TM4SF1: variants seen among roughly 807,000 people sequenced by gnomAD.
TM4SF1 encodes transmembrane 4 L6 family member 1.
A neutral mutation model predicts 24.5 loss-of-function variants in TM4SF1; 20 were observed. That is an observed-to-expected ratio of 0.82 (90% CI 0.57 to 1.19). The LOEUF is 1.19. Among genes scored for constraint, TM4SF1 ranks in the 50% most tolerant of loss-of-function variants. The pLI is 0.00. For synonymous variants in TM4SF1, 107 were observed against 95.4 expected (o/e 1.12, Z -0.71); for missense variants, 258 against 248.1 (o/e 1.04, Z -0.27).
intron 3 of TM4SF1, 136 bp downstream of exon 3, chr3:149,375,307 C>T: frequency 9.0e-7 from 1 of 1,112,844 alleles, no homozygotes; most frequent in African/African-American, 1.6e-5. Flanking sequence ...CTAAACCATG[C>T]CTGAGTCAGT....
chr3:149,376,633 T>A (rs1731961662), intron 1 of TM4SF1, among the ~76,000 whole-genome samples: 2 of 152,360 alleles, frequency 1.3e-5, no homozygotes, highest in Admixed American at 1.3e-4. Context: ...TTATCACGTA[T>A]GGTACCATTC....
Position 149,369,736 on chromosome 3 carries a change from C to A in TM4SF1, c.*130G>T. The A allele has an allele frequency of 9.0e-7, 1 of 1,109,008 alleles. No individual in the cohort carries two copies. The highest frequency in any genetic ancestry group is 1.3e-6 in the Non-Finnish European group (1 of 764,524). 68.7% of individuals were successfully genotyped at this position (1,109,008 alleles called of 1,614,324 possible). ...CATCCTGTGAAGATGCCAGTCTTTA[C>A]AGGCGTTTGTAAAAGTAGACTGTGG... On this transcript the variant is annotated 3_prime_UTR_variant, in exon 5 of 5. Transcript: ENST00000305366.
intron 3 of TM4SF1, among the ~76,000 whole-genome samples, chr3:149,374,340 A>C (rs1731899607): frequency 6.6e-6 from 1 of 152,182 alleles, no homozygotes; most frequent in African/African-American, 2.4e-5. Flanking sequence ...TCCTCACTAC[A>C]TGCTTTAAAT....
At chr3:149,371,598 C>T in intron 4 of TM4SF1, 89 bp downstream of exon 4, 1 of 1,334,260 alleles carries the variant, frequency 7.5e-7, no homozygotes, top group Non-Finnish European at 1.1e-6. Flanking sequence ...GTAGGTCGAG[C>T]ATGTTTGGTT....
intron 4 of TM4SF1, 76 bp downstream of exon 4, chr3:149,371,611 G>C: frequency 6.6e-7 from 1 of 1,517,198 alleles, no homozygotes; most frequent in Non-Finnish European, 9.1e-7. Context: ...GTTTGGTTTT[G>C]CCTTTTTCTT....
chr3:149,375,856 T>C, intron 1 of TM4SF1, 87 bp from the exon 2 acceptor site: 1 of 1,241,572 alleles, frequency 8.1e-7, no homozygotes, highest in Non-Finnish European at 1.2e-6. Context: ...AATATATTTA[T>C]TTCCAATGAC....
In TM4SF1 at chr3:149,377,369, A is replaced by T; in HGVS notation, c.177+2T>A. On this transcript the variant is annotated splice_donor_variant, in intron 1 of 4. Transcript: ENST00000305366. LOFTEE classifies it high-confidence loss of function. ...ATTCAGTAATAATCCTGAATGACTT[A>T]CCAGCAGGCCACCTCCTACGATGCC... 6.2e-7 allele frequency: 1 copy of T among 1,612,522 alleles called. No homozygotes were observed. The highest frequency in any genetic ancestry group is 2.2e-5 in the East Asian group (1 of 44,846).
rs1009430407 is a variant in TM4SF1 at position 149,374,143 on chromosome 3, G to A, written c.413+1300C>T. 2.5e-5 allele frequency among the ~76,000 whole-genome samples: 3 copies of A among 119,786 alleles called. No homozygotes were observed. In the East Asian group the frequency reaches 1.0e-3, roughly 42 times the overall value. 78.6% of individuals were successfully genotyped at this position (119,786 alleles called of 152,430 possible). On this transcript the variant is annotated intron_variant, in intron 3 of 4. Coordinates refer to ENST00000305366, the MANE Select transcript of TM4SF1 (RefSeq NM_014220.3). ...CACACAATGTGGCAGCCTCTGTGGG[G>A]AACATTTTACATATTATTTCATTAA...
intron 4 of TM4SF1, chr3:149,370,133 T>C (rs1731785869): frequency 8.1e-6 from 3 of 370,778 alleles, no homozygotes; most frequent in Non-Finnish European, 1.4e-5. Flanking sequence ...TTGGGTTGCT[T>C]TGAGTGCATT....
Position 149,371,687 on chromosome 3 carries a change from C to T in TM4SF1, c.594G>A (p.Gln198=), listed in dbSNP as rs571130598. 7 of 1,614,054 alleles carry T rather than the reference C, an allele frequency of 4.3e-6. No individual in the cohort carries two copies. The African/African-American group carries it at 9.3e-5, about 22-fold the overall frequency. ...GICGFCCSHQ[Q]QYDC is the part of the protein sequence containing the mutation. Reference sequence around the variant, plus strand: ...ACGACATTTTCATGCAGGTTCTTACCTGTTGGTGAGAGCAGCAAAAGCCAC... The same window carrying T: ...ACGACATTTTCATGCAGGTTCTTACTTGTTGGTGAGAGCAGCAAAAGCCAC... The change falls in exon 4 of 5, where the codon CAG becomes CAA. Residue 198 remains glutamine (Q), a splice_region_variant and synonymous_variant. Coordinates refer to ENST00000305366, the MANE Select transcript of TM4SF1 (RefSeq NM_014220.3).
chr3:149,377,345 T>C, intron 1 of TM4SF1, 26 bp downstream of exon 1: 1 of 1,596,126 alleles, frequency 6.3e-7, no homozygotes, highest in Non-Finnish European at 8.5e-7. Context: ...CAGGAGAGAA[T>C]TCAGTAATAA....
chr3:149,374,230 C>A lies in TM4SF1; in HGVS notation c.413+1213G>T, dbSNP rs139223215. ...TGGAGTAACTGAGATGCAGAGAGCT[C>A]ATTTCACCTTTTCCTACAGATAGGT... On this transcript the variant is annotated intron_variant, in intron 3 of 4. Transcript: ENST00000305366. Among the ~76,000 whole-genome samples, 178 of 152,264 alleles carry A rather than the reference C, an allele frequency of 1.2e-3. 1 individual carries two copies. Among genetic ancestry groups the A allele is most frequent in the African/African-American group, 3.7e-3 (152 of 41,562 alleles).
At chr3:149,374,120 C>CAATGTGGCAGCTGCAT (rs1329436186) in intron 3 of TM4SF1, among the ~76,000 whole-genome samples, 26,057 of 152,116 alleles carry the variant, frequency 0.17, 2,563 homozygotes, top group East Asian at 0.38. Flanking sequence ...GGCAGTTGCA[C>CAATGTGGCAGCTGCAT]ACAATGTGGC....
intron 3 of TM4SF1, among the ~76,000 whole-genome samples, chr3:149,374,938 C>G (rs1187519679): frequency 6.6e-6 from 1 of 152,162 alleles, no homozygotes; most frequent in Non-Finnish European, 1.5e-5. Flanking sequence ...TCTAGACTGC[C>G]TGGGTTCAAA....
At chr3:149,375,215 A>G (rs1731918283) in intron 3 of TM4SF1, among the ~76,000 whole-genome samples, 1 of 152,134 alleles carries the variant, frequency 6.6e-6, no homozygotes, top group African/African-American at 2.4e-5. Flanking sequence ...TGGGGGAAAA[A>G]AAAAGAAAGA....
At chr3:149,375,962 T>C (rs1464299603) in intron 1 of TM4SF1, among the ~76,000 whole-genome samples, 193 bp from the exon 2 acceptor site, 2 of 152,254 alleles carry the variant, frequency 1.3e-5, no homozygotes, top group Non-Finnish European at 2.9e-5. Context: ...CTTGTTTTCA[T>C]GTAATCTGTC....
chr3:149,377,268 A>T, intron 1 of TM4SF1, 103 bp downstream of exon 1: 1 of 1,420,134 alleles, frequency 7.0e-7, no homozygotes, highest in Non-Finnish European at 9.5e-7. Context: ...CAAAAAAGTC[A>T]CTTGATTTAG....
intron 1 of TM4SF1, among the ~76,000 whole-genome samples, chr3:149,376,976 G>C (rs1446960484): frequency 6.6e-6 from 1 of 152,188 alleles, no homozygotes; most frequent in Non-Finnish European, 1.5e-5. Flanking sequence ...ATAAACAGCA[G>C]AGAATTTGGA....
chr3:149,374,453 G>C (rs1373732921), intron 3 of TM4SF1, among the ~76,000 whole-genome samples: 2 of 152,170 alleles, frequency 1.3e-5, no homozygotes, highest in Admixed American at 1.3e-4. Flanking sequence ...AGAAAGTTGA[G>C]TAGGGAAAAG....
Sources: gnomAD v4.1 joint callset for allele counts (sites outside exome capture counted in the v4.1 genomes callset) on GRCh38, gnomAD v4.1.1 for gene constraint, MANE v1.5 for transcripts, NCBI Gene and HGNC (gene_info 2026-07-23, HGNC 2026-07-21) for gene names.